The following LARP1 variants were observed in gnomAD, a reference collection of about 807,000 sequenced individuals.
LARP1 encodes the protein la-related protein 1.
LARP1 carries 36 observed loss-of-function variants against 122.7 expected under a neutral mutation model. The observed-to-expected ratio is 0.29, with a 90% confidence interval of 0.22 to 0.39. The LOEUF (loss-of-function observed/expected upper bound fraction) is 0.39, where lower values mean the gene tolerates loss of function less well. Ranked by LOEUF, LARP1 falls within the 10% of genes least tolerant of loss-of-function variation. The pLI, the probability that LARP1 is intolerant of heterozygous loss-of-function variation, is 1.00. For missense variants in LARP1, 1,040 were observed against 1,403.6 expected (o/e 0.74, Z 4.14); for synonymous variants, 539 against 528.7 (o/e 1.02, Z -0.27).
chr5:154,721,700 T>A (rs1047000275), intron 1 of LARP1, among the ~76,000 whole-genome samples: 11 of 152,176 alleles, frequency 7.2e-5, no homozygotes, highest in Non-Finnish European at 1.0e-4. Context: ...AAGTTTCTCA[T>A]CTCAAGTTTC....
At chr5:154,690,063 A>T (rs201327173) in intron 1 of LARP1, among the ~76,000 whole-genome samples, 22 of 119,010 alleles carry the variant, frequency 1.8e-4, no homozygotes, top group Middle Eastern at 4.2e-3. Context: ...AATTTAAATT[A>T]AAAAAAAATG....
intron 1 of LARP1, among the ~76,000 whole-genome samples, chr5:154,739,135 C>A (rs1215126654): frequency 6.6e-6 from 1 of 152,226 alleles, no homozygotes; most frequent in South Asian, 2.1e-4. Context: ...TCTGCCTCAA[C>A]CTCCCAAGTA....
intron 1 of LARP1, among the ~76,000 whole-genome samples, chr5:154,720,834 C>T (rs1755820124): frequency 6.6e-6 from 1 of 152,068 alleles, no homozygotes; most frequent in Admixed American, 6.5e-5. Flanking sequence ...TCTGCTGGGC[C>T]AGTGGTTTGC....
At chr5:154,776,708 C>T (rs1353322665) in intron 1 of LARP1, among the ~76,000 whole-genome samples, 1 of 152,192 alleles carries the variant, frequency 6.6e-6, no homozygotes, top group South Asian at 2.1e-4. Flanking sequence ...CTGCATTTCT[C>T]CCAAGCCAGC....
At chr5:154,688,750 T>C (rs2052448) in intron 1 of LARP1, among the ~76,000 whole-genome samples, 100,871 of 151,470 alleles carry the variant, frequency 0.67, 33,834 homozygotes, top group Non-Finnish European at 0.7. Context: ...CTCTTGAGTC[T>C]GGAAGGTTGA....
chr5:154,802,982 A>T lies in LARP1; in HGVS notation c.2110-308A>T, dbSNP rs1169545022. On this transcript the variant is annotated intron_variant, in intron 11 of 18. Coordinates refer to ENST00000518297, the MANE Select transcript of LARP1 (RefSeq NM_033551.3). The surrounding 1 kb of genome is among the most constrained non-coding windows in gnomAD (Gnocchi z 5.1). ...TGATAAGGCAGTAGCAGAAAGAGAGATGGGGAAACACTGGAGCTTTCAGGG... is the reference window on the plus strand; with the variant it reads ...TGATAAGGCAGTAGCAGAAAGAGAGTTGGGGAAACACTGGAGCTTTCAGGG... Among the ~76,000 whole-genome samples, 9 of 152,042 alleles carry T rather than the reference A, an allele frequency of 5.9e-5. No individual in the cohort carries two copies. Among genetic ancestry groups the T allele is most frequent in the Non-Finnish European group, 1.3e-4 (9 of 68,002 alleles).
intron 1 of LARP1, among the ~76,000 whole-genome samples, chr5:154,789,595 A>G (rs1248150009): frequency 2.0e-5 from 3 of 152,204 alleles, no homozygotes; most frequent in Non-Finnish European, 4.4e-5. Context: ...TAACTTTTCT[A>G]AAAATGGATG....
At chr5:154,751,607 T>A (rs115600724), upstream of LARP1, among the ~76,000 whole-genome samples, 244 of 152,324 alleles carry the variant, frequency 1.6e-3, no homozygotes, top group African/African-American at 5.4e-3. Flanking sequence ...TATCTGTGGT[T>A]TTGCTTCCTG....
At chr5:154,765,438 T>TGCAGTGCA (rs1175368596) in intron 1 of LARP1, among the ~76,000 whole-genome samples, 1 of 152,206 alleles carries the variant, frequency 6.6e-6, no homozygotes, top group East Asian at 1.9e-4. Context: ...TCATCCAGCC[T>TGCAGTGCA]GCAGTGCAGC....
At chr5:154,754,942 G>A (rs1283711010), upstream of LARP1, among the ~76,000 whole-genome samples, 1 of 152,222 alleles carries the variant, frequency 6.6e-6, no homozygotes, top group East Asian at 1.9e-4. Context: ...CCAGCCTAAA[G>A]AGCACGAGCA....
At position 154,813,878 on chromosome 5, in the gene LARP1, C is replaced by T. The variant is rs771255278; in HGVS notation, c.3082-9C>T. 2 of 1,612,286 alleles carry T rather than the reference C, an allele frequency of 1.2e-6. No homozygotes were observed. The highest frequency in any genetic ancestry group is 1.1e-5 in the South Asian group (1 of 91,014). ...TTCTGATCACCTGTGACTCCTTCCT[C>T]TGTTGCAGCCCCCCATGGGTGAGGA... On this transcript the variant is annotated splice_polypyrimidine_tract_variant and intron_variant, in intron 18 of 18. Coordinates refer to ENST00000518297, the MANE Select transcript of LARP1 (RefSeq NM_033551.3).
At chr5:154,812,964 C>T (rs767346724) in intron 18 of LARP1, among the ~76,000 whole-genome samples, 9 of 152,128 alleles carry the variant, frequency 5.9e-5, no homozygotes, top group African/African-American at 1.7e-4. Flanking sequence ...AATTCAAGAT[C>T]GAGATTTGGG....
intron 1 of LARP1, among the ~76,000 whole-genome samples, chr5:154,684,904 T>G (rs1753854344): frequency 1.3e-5 from 2 of 151,964 alleles, no homozygotes; most frequent in Admixed American, 1.3e-4. Flanking sequence ...AATGACGTGG[T>G]TAGGGAGTGG....
chr5:154,698,404 C>G (rs1754569313), intron 1 of LARP1, among the ~76,000 whole-genome samples: 1 of 152,074 alleles, frequency 6.6e-6, no homozygotes, highest in Non-Finnish European at 1.5e-5. Context: ...CGAGACCAGC[C>G]TGGCCAACAT....
intron 1 of LARP1, among the ~76,000 whole-genome samples, chr5:154,738,806 C>T (rs1468200353): frequency 1.3e-5 from 2 of 152,040 alleles, no homozygotes; most frequent in Non-Finnish European, 2.9e-5. Context: ...CCTGTAATCC[C>T]AGCACTTTGG....
chr5:154,812,514 C>T (rs1360644237), intron 18 of LARP1, among the ~76,000 whole-genome samples: 7 of 81,132 alleles, frequency 8.6e-5, no homozygotes, highest in Admixed American at 1.7e-4. Flanking sequence ...AGCCCCCCCC[C>T]CCCACCCCCC....
upstream of LARP1, among the ~76,000 whole-genome samples, chr5:154,751,992 T>C (rs958381000): frequency 1.2e-4 from 18 of 152,114 alleles, no homozygotes; most frequent in African/African-American, 4.3e-4. Context: ...TTAAAAAAAA[T>C]AGAGACAGGG....
In LARP1 at chr5:154,795,167, C is replaced by T. The variant is rs182916290; in HGVS notation, c.1233-8C>T. 1.0e-4 allele frequency: 163 copies of T among 1,613,448 alleles called. 1 individual carries two copies. In the East Asian group the frequency reaches 3.4e-3, roughly 33 times the overall value. On this transcript the variant is annotated splice_region_variant and splice_polypyrimidine_tract_variant and intron_variant, in intron 7 of 18. Coordinates refer to ENST00000518297, the MANE Select transcript of LARP1 (RefSeq NM_033551.3). ...CCTCGGTGATAACTACTTCTTCCCTCCACTTAGTGAATACTACTTCAGCGT... is the reference window on the plus strand; with the variant it reads ...CCTCGGTGATAACTACTTCTTCCCTTCACTTAGTGAATACTACTTCAGCGT...
At position 154,803,681 on chromosome 5, in the gene LARP1, A is replaced by G. The variant is rs772382879; in HGVS notation, c.2375A>G (p.Lys792Arg). The G allele has an allele frequency of 1.9e-6, 3 of 1,614,188 alleles. No homozygotes were observed. The highest frequency in any genetic ancestry group is 2.5e-6 in the Non-Finnish European group (3 of 1,180,044). ...CGCACTCCCCGGACACCACAGCTCAAAGACTCAAGCCAGACATCACGGTTT... is the reference window on the plus strand; with the variant it reads ...CGCACTCCCCGGACACCACAGCTCAGAGACTCAAGCCAGACATCACGGTTT... ...TPRTPRTPQLKDSSQTSRFYP... is the reference protein window; with the variant it reads ...TPRTPRTPQLRDSSQTSRFYP... The change falls in exon 13 of 19, where the codon AAA becomes AGA. Residue 792 changes from lysine to arginine, a missense_variant. Transcript: ENST00000518297. The surrounding 1 kb of genome is among the most constrained non-coding windows in gnomAD (Gnocchi z 4.4).
Sources: gnomAD v4.1 joint callset for allele counts (sites outside exome capture counted in the v4.1 genomes callset) on GRCh38, gnomAD v4.1.1 for gene constraint, Gnocchi (gnomAD v3.1) non-coding constraint, MANE v1.5 for transcripts, NCBI Gene and HGNC (gene_info 2026-07-23, HGNC 2026-07-21) for gene names.